The following RCAN2 variants were observed in gnomAD, a reference collection of about 807,000 sequenced individuals.
The protein encoded by RCAN2 is calcipressin-2.
Under a neutral mutation model 23.6 loss-of-function variants are expected in RCAN2, and 9 were observed. The ratio of observed to expected loss-of-function variants is 0.38; its 90% CI spans 0.23 to 0.67. The LOEUF (loss-of-function observed/expected upper bound fraction) is 0.67, where lower values mean the gene tolerates loss of function less well. Among genes scored for constraint, RCAN2 ranks in the 30% least tolerant of loss-of-function variants. The pLI is 0.51. For missense variants in RCAN2, 273 were observed against 302.3 expected, an observed-to-expected ratio of 0.90 and a Z score of 0.72; for synonymous variants, 109 against 115.7, an observed-to-expected ratio of 0.94 and a Z score of 0.37.
At chr6:46,375,962 A>G (rs1333153428) in intron 2 of RCAN2, among the ~76,000 whole-genome samples, 1 of 152,148 alleles carries the variant, frequency 6.6e-6, no homozygotes, top group Non-Finnish European at 1.5e-5. Flanking sequence ...GACACTATAC[A>G]TGCTTCCTCT....
intron 2 of RCAN2, among the ~76,000 whole-genome samples, chr6:46,263,227 C>A (rs530695043): frequency 6.6e-6 from 1 of 152,270 alleles, no homozygotes; most frequent in South Asian, 2.1e-4. Context: ...TTCTTCAAAG[C>A]TATCCTTCAA....
At chr6:46,327,027 A>G (rs1031680873) in intron 2 of RCAN2, among the ~76,000 whole-genome samples, 3 of 152,246 alleles carry the variant, frequency 2.0e-5, no homozygotes, top group Non-Finnish European at 4.4e-5. Context: ...ATATTAAGTC[A>G]TATATGCATA....
chr6:46,257,520 C>T (rs888901771), intron 2 of RCAN2, among the ~76,000 whole-genome samples: 6 of 152,214 alleles, frequency 3.9e-5, no homozygotes, highest in South Asian at 2.1e-4. Flanking sequence ...GAAGCAGGCA[C>T]GTCTTACATG....
intron 2 of RCAN2, among the ~76,000 whole-genome samples, chr6:46,434,035 T>C (rs1163440069): frequency 6.6e-6 from 1 of 152,206 alleles, no homozygotes; most frequent in Non-Finnish European, 1.5e-5. Context: ...AAGACTTTCA[T>C]GTGATTTGAT....
intron 2 of RCAN2, among the ~76,000 whole-genome samples, chr6:46,358,065 G>A (rs1466950412): frequency 6.6e-6 from 1 of 152,130 alleles, no homozygotes; most frequent in Non-Finnish European, 1.5e-5. Flanking sequence ...ATGCAAATTA[G>A]AGGTACAGAC....
chr6:46,390,154 A>T (rs2150397902), intron 2 of RCAN2, among the ~76,000 whole-genome samples: 1 of 152,298 alleles, frequency 6.6e-6, no homozygotes, highest in Non-Finnish European at 1.5e-5. Flanking sequence ...CAGGAAAACA[A>T]GGGGAAATTT....
intron 1 of RCAN2, among the ~76,000 whole-genome samples, chr6:46,470,233 A>G (rs922320022): frequency 3.2e-4 from 48 of 152,218 alleles, no homozygotes; most frequent in African/African-American, 1.1e-3. Flanking sequence ...CAACTAGAAC[A>G]TTATGAGGGG....
intron 2 of RCAN2, among the ~76,000 whole-genome samples, chr6:46,268,345 T>C (rs1379681861): frequency 6.6e-6 from 1 of 152,220 alleles, no homozygotes; most frequent in Non-Finnish European, 1.5e-5. Flanking sequence ...TGTGTTATTA[T>C]AGCAAATGTG....
chr6:46,462,661 A>C (rs940651432), intron 1 of RCAN2, among the ~76,000 whole-genome samples: 87 of 152,350 alleles, frequency 5.7e-4, no homozygotes, highest in African/African-American at 2.0e-3. Flanking sequence ...GATGTTAGAG[A>C]CATTACTGGC....
intron 2 of RCAN2, among the ~76,000 whole-genome samples, chr6:46,438,946 C>T (rs952961842): frequency 6.6e-6 from 1 of 152,164 alleles, no homozygotes; most frequent in African/African-American, 2.4e-5. Context: ...AGTCACTGTT[C>T]TTCTCTGGGT....
chr6:46,345,562 C>T (rs1489919950), intron 2 of RCAN2, among the ~76,000 whole-genome samples: 2 of 152,026 alleles, frequency 1.3e-5, no homozygotes, highest in South Asian at 2.1e-4. Flanking sequence ...AAGCAGTTCT[C>T]GTCATATAAT....
At chr6:46,312,250 G>A (rs986261787) in intron 2 of RCAN2, among the ~76,000 whole-genome samples, 5 of 151,902 alleles carry the variant, frequency 3.3e-5, no homozygotes, top group Non-Finnish European at 4.4e-5. Context: ...GGTCAACTTC[G>A]GGAGTTTTAG....
intron 2 of RCAN2, among the ~76,000 whole-genome samples, chr6:46,283,307 G>T (rs2150340377): frequency 6.6e-6 from 1 of 152,248 alleles, no homozygotes; most frequent in South Asian, 2.1e-4. Flanking sequence ...GTTGGGCATG[G>T]TGGTACACAG....
chr6:46,266,793 T>C (rs946745191), intron 2 of RCAN2, among the ~76,000 whole-genome samples: 4 of 152,148 alleles, frequency 2.6e-5, no homozygotes, highest in African/African-American at 9.7e-5. Flanking sequence ...AGGCGACTGA[T>C]TCCAACCCCT....
chr6:46,368,362 T>G (rs963334462), intron 2 of RCAN2, among the ~76,000 whole-genome samples: 2 of 152,204 alleles, frequency 1.3e-5, no homozygotes, highest in Non-Finnish European at 2.9e-5. Flanking sequence ...GATGCTGAGC[T>G]TTCAAGCTCC....
At chr6:46,362,589 G>C (rs1009552587) in intron 2 of RCAN2, among the ~76,000 whole-genome samples, 12 of 152,156 alleles carry the variant, frequency 7.9e-5, no homozygotes, top group African/African-American at 2.9e-4. Flanking sequence ...CTACAAAACT[G>C]ATTCTGTCAT....
At chr6:46,402,581 G>A (rs1170047013) in intron 2 of RCAN2, among the ~76,000 whole-genome samples, 1 of 152,080 alleles carries the variant, frequency 6.6e-6, no homozygotes, top group Non-Finnish European at 1.5e-5. Flanking sequence ...TTTGACTGTA[G>A]GTCATAAGAC....
chr6:46,314,885 A>G (rs143757553), intron 2 of RCAN2, among the ~76,000 whole-genome samples: 1,828 of 151,940 alleles, frequency 0.012, 10 homozygotes, highest in Non-Finnish European at 0.018. Flanking sequence ...ACATGGAAAA[A>G]CCCTGTCGCT....
At chr6:46,264,492 T>G (rs771355650) in intron 2 of RCAN2, among the ~76,000 whole-genome samples, 31 of 152,234 alleles carry the variant, frequency 2.0e-4, no homozygotes, top group Admixed American at 5.2e-4. Flanking sequence ...TCTCACCTTT[T>G]CTATTTGTTT....
Sources: allele counts gnomAD v4.1 joint callset (sites outside exome capture counted in the v4.1 genomes callset), GRCh38; gene constraint gnomAD v4.1.1; transcripts MANE v1.5; gene names NCBI Gene and HGNC (gene_info 2026-07-23, HGNC 2026-07-21).